SCN9A: variants seen among roughly 807,000 people sequenced by gnomAD.
SCN9A encodes the protein sodium channel protein type 9 subunit alpha.
Under a neutral mutation model 187.0 loss-of-function variants are expected in SCN9A, and 131 were observed. The observed-to-expected ratio is 0.70, with a 90% CI of 0.61 to 0.81. The LOEUF (loss-of-function observed/expected upper bound fraction) is 0.81, where lower values mean the gene tolerates loss of function less well. SCN9A is among the 30% of genes least tolerant of loss of function. SCN9A has a pLI of 0.00. For synonymous variants in SCN9A, 809 were observed against 808.6 expected, an observed-to-expected ratio of 1.00 and a Z score of -0.01; for missense variants, 2,252 against 2,396.6, an observed-to-expected ratio of 0.94 and a Z score of 1.26.
intron 6 of SCN9A, chr2:166,303,907 T>A (rs1698664029): frequency 1.9e-6 from 2 of 1,028,338 alleles, no homozygotes; most frequent in African/African-American, 3.2e-5. Context: ...AAAGGTTGAC[T>A]TTTGATAATG....
chr2:166,280,343 A>T lies in SCN9A; in HGVS notation c.2343+14T>A. 7.1e-7 allele frequency: 1 copy of T among 1,412,630 alleles called. No homozygotes were observed. Among genetic ancestry groups the T allele is most frequent in the South Asian group, 1.2e-5 (1 of 81,162 alleles). The allele number at this position is 1,412,630 out of a possible 1,614,324, so 87.5% of individuals were successfully genotyped here. ...GAGAAACTATGAGTACATAACACAC[A>T]ATAAGAGACTTACCAAATTTCCTAT... On this transcript the variant is annotated intron_variant, in intron 14 of 26. Coordinates refer to ENST00000642356, the MANE Select transcript of SCN9A (RefSeq NM_001365536.1).
At chr2:166,339,641 C>G (rs1365976872) in intron 1 of SCN9A, among the ~76,000 whole-genome samples, 1 of 152,062 alleles carries the variant, frequency 6.6e-6, no homozygotes, top group Non-Finnish European at 1.5e-5. Context: ...TTTAAATTAA[C>G]AAAAACTGGA....
chr2:166,301,360 C>T (rs892246164), intron 7 of SCN9A: 1 of 150,438 alleles, frequency 6.6e-6, no homozygotes, highest in Admixed American at 6.6e-5. Flanking sequence ...ACAATGTCCA[C>T]ATAAGGCAAA....
intron 7 of SCN9A, among the ~76,000 whole-genome samples, chr2:166,299,595 T>C (rs1207153080): frequency 6.6e-6 from 1 of 150,800 alleles, no homozygotes; most frequent in Non-Finnish European, 1.5e-5. Context: ...ATTCTAAATG[T>C]CAGAGTTGTA....
intron 20 of SCN9A, among the ~76,000 whole-genome samples, chr2:166,234,922 A>G (rs1205639881): frequency 6.6e-6 from 1 of 152,122 alleles, no homozygotes; most frequent in Non-Finnish European, 1.5e-5. Flanking sequence ...ATGGGTTATC[A>G]TGGGAGTGAG....
At chr2:166,232,779 T>C (rs140633858) in intron 21 of SCN9A, among the ~76,000 whole-genome samples, 4,513 of 149,014 alleles carry the variant, frequency 0.03, 479 homozygotes, top group Admixed American at 0.2. Flanking sequence ...TGCATATATA[T>C]ACTAATATGT....
chr2:166,370,538 G>C (rs1038101020), intron 1 of SCN9A, among the ~76,000 whole-genome samples: 1 of 148,022 alleles, frequency 6.8e-6, no homozygotes, highest in African/African-American at 2.5e-5. Context: ...GCGAGACTCC[G>C]TCTCAAAAAA....
intron 17 of SCN9A, among the ~76,000 whole-genome samples, chr2:166,269,991 T>C (rs952794512): frequency 6.6e-6 from 1 of 152,048 alleles, no homozygotes; most frequent in Non-Finnish European, 1.5e-5. Context: ...TCCCTTTCCA[T>C]ATGATACTAA....
At chr2:166,244,335 A>T (rs1695695877) in intron 18 of SCN9A, among the ~76,000 whole-genome samples, 1 of 152,022 alleles carries the variant, frequency 6.6e-6, no homozygotes, top group South Asian at 2.1e-4. Flanking sequence ...TGAAACAACA[A>T]TATTAAGGGA....
At chr2:166,285,282 AAG>A (rs1394893178) in intron 11 of SCN9A, among the ~76,000 whole-genome samples, 2 of 152,226 alleles carry the variant, frequency 1.3e-5, no homozygotes, top group Admixed American at 1.3e-4. Context: ...AGTGTATTTA[AAG>A]AGAGCTTTTA....
chr2:166,248,159 T>A (rs907792580), intron 18 of SCN9A: 2 of 152,138 alleles, frequency 1.3e-5, no homozygotes, highest in African/African-American at 4.8e-5. Context: ...TTAATTCTTT[T>A]TCATACTTCA....
chr2:166,309,110 A>G (rs902198315), intron 2 of SCN9A, among the ~76,000 whole-genome samples: 1 of 152,006 alleles, frequency 6.6e-6, no homozygotes, highest in Non-Finnish European at 1.5e-5. Flanking sequence ...AGAAAAATAT[A>G]AAGGGGGAAG....
At chr2:166,283,577 C>G (rs1336223582) in intron 12 of SCN9A, among the ~76,000 whole-genome samples, 1 of 152,186 alleles carries the variant, frequency 6.6e-6, no homozygotes, top group East Asian at 1.9e-4. Flanking sequence ...ACACCTTTCT[C>G]TAACCACTTA....
At chr2:166,269,245 G>C (rs1050090340) in intron 17 of SCN9A, among the ~76,000 whole-genome samples, 1 of 151,908 alleles carries the variant, frequency 6.6e-6, no homozygotes, top group Non-Finnish European at 1.5e-5. Context: ...ATAAGTGACA[G>C]AGTAATTTTA....
chr2:166,264,217 G>T (rs1289782255), intron 17 of SCN9A, among the ~76,000 whole-genome samples: 1 of 151,898 alleles, frequency 6.6e-6, no homozygotes, highest in Non-Finnish European at 1.5e-5. Context: ...AATATTTATT[G>T]ACAAATGGGT....
Position 166,303,810 on chromosome 2 carries a change from AC to A in SCN9A, c.688+427del, listed in dbSNP as rs1391791449. On this transcript the variant is annotated intron_variant, in intron 6 of 26. Coordinates refer to ENST00000642356, the MANE Select transcript of SCN9A (RefSeq NM_001365536.1). ...CCTGTATAAGCAAATGGAAAAACAA[AC>A]CCTCAGACAGGAGGGAAGATTTCAA... 3.3e-5 allele frequency among the ~76,000 whole-genome samples: 5 copies of A among 152,276 alleles called. No homozygotes were observed. In the East Asian group the frequency reaches 7.7e-4, roughly 23 times the overall value.
At chr2:166,315,160 G>A (rs185815125) in intron 1 of SCN9A, among the ~76,000 whole-genome samples, 1 of 152,256 alleles carries the variant, frequency 6.6e-6, no homozygotes, top group East Asian at 1.9e-4. Flanking sequence ...GTGAGAAGAC[G>A]GGATAACTTG....
In SCN9A at chr2:166,371,553, A is replaced by G. The variant is rs185517165; in HGVS notation, c.-51+4144T>C. On this transcript the variant is annotated intron_variant, in intron 1 of 26. Transcript: ENST00000642356. ...TCATTTTTTAGAATGGCAGGACACC[A>G]AAATTGTTATCTCATATTCCACAAA... is the stretch of plus-strand genomic sequence containing the variant. Among the ~76,000 whole-genome samples, 26 of 152,354 alleles carry G rather than the reference A, an allele frequency of 1.7e-4. No individual in the cohort carries two copies. In the East Asian group the frequency reaches 5.0e-3, roughly 29 times the overall value.
rs145319657 is a variant in SCN9A at position 166,257,904 on chromosome 2, T to C, written c.3352-6019A>G. Among the ~76,000 whole-genome samples, 446 of 151,614 alleles carry C rather than the reference T, an allele frequency of 2.9e-3. 4 individuals are homozygous for C. The highest frequency in any genetic ancestry group is 9.7e-3 in the African/African-American group (403 of 41,482). On this transcript the variant is annotated intron_variant, in intron 17 of 26. Transcript: ENST00000642356. ...CTCTAAATCCCCACCAAATTTGAAA[T>C]AGAAAAATATATCTTTTACTTAGGC...
Sources: allele counts gnomAD v4.1 joint callset (sites outside exome capture counted in the v4.1 genomes callset), GRCh38; gene constraint gnomAD v4.1.1; transcripts MANE v1.5; gene names NCBI Gene and HGNC (gene_info 2026-07-23, HGNC 2026-07-21).